MAP7: variants seen among roughly 807,000 people sequenced by gnomAD.
MAP7 encodes ensconsin.
MAP7 carries 52 observed loss-of-function variants against 94.8 expected under a neutral mutation model. That is an observed-to-expected ratio of 0.55 (90% CI 0.44 to 0.69). The LOEUF is 0.69. Ranked by LOEUF, MAP7 falls within the 30% of genes least tolerant of loss-of-function variation. The probability of loss-of-function intolerance (pLI) is 0.00; values close to 1 mark genes in which losing one functional copy is unlikely to be tolerated. For synonymous variants in MAP7, 350 were observed against 357.0 expected (o/e 0.98, Z 0.22); for missense variants, 940 against 964.6 (o/e 0.97, Z 0.34).
At chr6:136,476,439 T>C (rs1299412414) in intron 1 of MAP7, among the ~76,000 whole-genome samples, 1 of 152,224 alleles carries the variant, frequency 6.6e-6, no homozygotes, top group Non-Finnish European at 1.5e-5. Flanking sequence ...GGCTTTGAAG[T>C]TCCTTTTAAG....
intron 1 of MAP7, among the ~76,000 whole-genome samples, chr6:136,430,130 C>T (rs1047722248): frequency 2.0e-5 from 3 of 152,046 alleles, no homozygotes; most frequent in Non-Finnish European, 4.4e-5. Context: ...TCAAATTAGA[C>T]CCAATTCAAT....
chr6:136,421,371 C>T (rs1269840786), intron 2 of MAP7, among the ~76,000 whole-genome samples: 2 of 152,160 alleles, frequency 1.3e-5, no homozygotes, highest in African/African-American at 4.8e-5. Context: ...AAAATTATTA[C>T]CCCTTTAAGC....
chr6:136,549,564 C>T (rs6931866), intron 1 of MAP7, among the ~76,000 whole-genome samples: 17,679 of 152,128 alleles, frequency 0.12, 1,209 homozygotes, highest in East Asian at 0.15. Context: ...CTAAGTGTGC[C>T]CCTGGAGGTT....
At chr6:136,426,155 G>C (rs17722974) in intron 1 of MAP7, among the ~76,000 whole-genome samples, 2 of 152,034 alleles carry the variant, frequency 1.3e-5, no homozygotes, top group African/African-American at 4.8e-5. Flanking sequence ...CAAAGTTCCC[G>C]TCTTCAACCT....
At chr6:136,387,877 T>C (rs1385716056) in intron 5 of MAP7, among the ~76,000 whole-genome samples, 1 of 152,226 alleles carries the variant, frequency 6.6e-6, no homozygotes, top group East Asian at 1.9e-4. Context: ...CAATATGATT[T>C]TATGTCCATT....
chr6:136,350,839 C>G (rs2128526289), intron 16 of MAP7, among the ~76,000 whole-genome samples: 1 of 152,182 alleles, frequency 6.6e-6, no homozygotes, highest in South Asian at 2.1e-4. Context: ...GGCTTGGTGA[C>G]AGAGCAAGAC....
intron 1 of MAP7, among the ~76,000 whole-genome samples, chr6:136,534,684 C>T (rs973982046): frequency 5.9e-5 from 9 of 152,150 alleles, no homozygotes; most frequent in Non-Finnish European, 1.2e-4. Flanking sequence ...AATGTTCCTA[C>T]AGTTGGGGTC....
At chr6:136,360,097 A>T in intron 13 of MAP7, 66 bp from the exon 14 acceptor site, 1 of 1,212,948 alleles carries the variant, frequency 8.2e-7, no homozygotes, top group Non-Finnish European at 1.2e-6. Flanking sequence ...GGCATATTTA[A>T]CTGATGAAAT....
rs1554263555 is a variant in MAP7 at position 136,480,662 on chromosome 6, A to AAG, written c.68-58864_68-58863insCT. ...GCCTCAAAAAAAAAAAAAAAAAAAAAAAAAAAAGAAAAGAAAACGTTGGGG... is the reference window on the plus strand; with the variant it reads ...GCCTCAAAAAAAAAAAAAAAAAAAAAAGAAAAAAAGAAAAGAAAACGTTGGGG... On this transcript the variant is annotated intron_variant, in intron 1 of 17. Transcript: ENST00000354570. 2.1e-4 allele frequency among the ~76,000 whole-genome samples: 32 copies of AAG among 150,252 alleles called. 1 individual carries two copies. Among genetic ancestry groups the AAG allele is most frequent in the African/African-American group, 7.6e-4 (31 of 41,018 alleles).
intron 6 of MAP7, among the ~76,000 whole-genome samples, chr6:136,383,081 A>G (rs1370383860): frequency 6.6e-6 from 1 of 152,234 alleles, no homozygotes; most frequent in Non-Finnish European, 1.5e-5. Context: ...AGGACTATGA[A>G]TATTAAATGT....
intron 1 of MAP7, among the ~76,000 whole-genome samples, chr6:136,531,754 C>G (rs1401874024): frequency 8.2e-6 from 1 of 122,040 alleles, no homozygotes; most frequent in Non-Finnish European, 1.5e-5. Context: ...ACAGACACCC[C>G]TCTAGCAGTG....
intron 3 of MAP7, among the ~76,000 whole-genome samples, chr6:136,396,921 TC>T (rs774264437): frequency 1.9e-4 from 29 of 152,218 alleles, no homozygotes; most frequent in Non-Finnish European, 3.4e-4. Context: ...TAAAGGTAGT[TC>T]TTAAGGTTGT....
intron 1 of MAP7, among the ~76,000 whole-genome samples, chr6:136,435,307 G>T (rs1409214843): frequency 3.9e-5 from 6 of 152,208 alleles, no homozygotes; most frequent in Non-Finnish European, 7.3e-5. Context: ...GCAAAGGGCT[G>T]TCACAGGCCT....
At chr6:136,369,873 A>G (rs74939446) in intron 8 of MAP7, among the ~76,000 whole-genome samples, 2 of 152,328 alleles carry the variant, frequency 1.3e-5, no homozygotes, top group East Asian at 3.9e-4. Flanking sequence ...GATTTCTTGG[A>G]TATAACACTA....
At chr6:136,399,220 C>A (rs1783364866) in intron 3 of MAP7, among the ~76,000 whole-genome samples, 1 of 152,206 alleles carries the variant, frequency 6.6e-6, no homozygotes, top group Non-Finnish European at 1.5e-5. Context: ...TAGCCAAACT[C>A]TTCTACTTCT....
intron 1 of MAP7, among the ~76,000 whole-genome samples, chr6:136,491,002 T>C (rs887943940): frequency 6.6e-6 from 1 of 152,226 alleles, no homozygotes; most frequent in Admixed American, 6.5e-5. Context: ...TTACTGTTGT[T>C]AGGACTTTGT....
rs1016901538 is a variant in MAP7, at chr6:136,345,913, C to T, written c.2182G>A (p.Glu728Lys). 6.2e-7 allele frequency: 1 copy of T among 1,614,018 alleles called. No individual in the cohort carries two copies. The highest frequency in any genetic ancestry group is 1.3e-5 in the African/African-American group (1 of 74,910). Residue 728 changes from glutamate to lysine, a missense_variant, in exon 17 of 18, where the codon GAA becomes AAA. Physicochemically the swap from Glu to Lys is moderately conservative, Grantham distance 56. Transcript: ENST00000354570. Reference protein sequence around the residue: ...PLNPILAFDDEGTLGPLPQVD... With the variant: ...PLNPILAFDDKGTLGPLPQVD... ...TGAGGCAGGGGCCCAAGTGTCCCTT[C>T]ATCATCAAAGGCCAAAATTGGATTC...
chr6:136,458,761 T>C (rs115362074), intron 1 of MAP7, among the ~76,000 whole-genome samples: 1 of 152,178 alleles, frequency 6.6e-6, no homozygotes, highest in African/African-American at 2.4e-5. Flanking sequence ...CAGCTCAAAA[T>C]GGATTAAACA....
intron 1 of MAP7, among the ~76,000 whole-genome samples, chr6:136,437,510 G>A (rs1054159000): frequency 1.3e-5 from 2 of 152,096 alleles, no homozygotes; most frequent in East Asian, 1.9e-4. Flanking sequence ...AATCAATACA[G>A]GCACCATCTA....
Sources: allele counts gnomAD v4.1 joint callset (sites outside exome capture counted in the v4.1 genomes callset), GRCh38; gene constraint gnomAD v4.1.1; transcripts MANE v1.5; gene names NCBI Gene and HGNC (gene_info 2026-07-23, HGNC 2026-07-21).